TSHR: variants seen among roughly 807,000 people sequenced by gnomAD.
The protein encoded by TSHR is thyrotropin receptor.
TSHR carries 51 observed loss-of-function variants against 64.1 expected under a neutral mutation model. The observed-to-expected ratio is 0.80, with a 90% CI of 0.64 to 1.01. The LOEUF (loss-of-function observed/expected upper bound fraction) is 1.01. Ranked by LOEUF, TSHR falls within the 50% of genes least tolerant of loss-of-function variation. TSHR has a pLI of 0.00. For synonymous variants in TSHR, 361 were observed against 361.9 expected, an observed-to-expected ratio of 1.00 and a Z score of 0.03; for missense variants, 877 against 942.8, an observed-to-expected ratio of 0.93 and a Z score of 0.91.
chr14:81,075,561 T>A (rs534246911), intron 3 of TSHR, among the ~76,000 whole-genome samples: 1 of 151,996 alleles, frequency 6.6e-6, no homozygotes, highest in East Asian at 1.9e-4. Context: ...TAGTTACATA[T>A]GTATACATGT....
chr14:81,073,641 A>G (rs1887279295), intron 3 of TSHR, among the ~76,000 whole-genome samples: 1 of 152,206 alleles, frequency 6.6e-6, no homozygotes, highest in Non-Finnish European at 1.5e-5. Flanking sequence ...GATAATAAAA[A>G]TATGACATAT....
chr14:81,139,608 T>C, intron 8 of TSHR, 71 bp from the exon 9 acceptor site: 7 of 1,545,872 alleles, frequency 4.5e-6, no homozygotes, highest in Non-Finnish European at 6.2e-6. Flanking sequence ...CCTGTTTGAG[T>C]TTCTGGCCAA....
At chr14:81,095,131 C>T (rs1282826509) in intron 6 of TSHR, among the ~76,000 whole-genome samples, 1 of 152,136 alleles carries the variant, frequency 6.6e-6, no homozygotes, top group African/African-American at 2.4e-5. Flanking sequence ...ACTAGCAGTG[C>T]CTGAGTGTGG....
chr14:81,082,507 T>C (rs562143267), intron 3 of TSHR, among the ~76,000 whole-genome samples: 4 of 152,334 alleles, frequency 2.6e-5, no homozygotes, highest in South Asian at 2.1e-4. Flanking sequence ...TCTTTGGACA[T>C]TGAGTCTGCT....
intron 8 of TSHR, among the ~76,000 whole-genome samples, chr14:81,132,593 C>T (rs1175091977): frequency 6.6e-6 from 1 of 152,126 alleles, no homozygotes; most frequent in Non-Finnish European, 1.5e-5. Context: ...GAGATTATTC[C>T]CACGACCTAG....
intron 3 of TSHR, among the ~76,000 whole-genome samples, chr14:81,077,419 T>C (rs989411180): frequency 6.6e-6 from 1 of 152,250 alleles, no homozygotes. Flanking sequence ...CACATATTCA[T>C]ACATATATGT....
intron 1 of TSHR, among the ~76,000 whole-genome samples, chr14:81,042,520 T>C (rs1301468190): frequency 6.6e-6 from 1 of 152,080 alleles, no homozygotes; most frequent in South Asian, 2.1e-4. Flanking sequence ...TGATGTTAAG[T>C]GAAATAAGAC....
intron 1 of TSHR, among the ~76,000 whole-genome samples, chr14:81,025,727 C>T (rs1884017088): frequency 6.6e-6 from 1 of 152,104 alleles, no homozygotes; most frequent in African/African-American, 2.4e-5. Context: ...TTTCAGGATA[C>T]TAAAGACATC....
intron 1 of TSHR, among the ~76,000 whole-genome samples, chr14:81,017,525 GA>G (rs1405734369): frequency 2.0e-5 from 3 of 152,112 alleles, no homozygotes; most frequent in African/African-American, 4.8e-5. Flanking sequence ...CGTGGCCCCA[GA>G]ACAGCTGGTA....
intron 1 of TSHR, among the ~76,000 whole-genome samples, chr14:80,960,377 C>T (rs912854991): frequency 3.9e-5 from 6 of 152,362 alleles, no homozygotes; most frequent in South Asian, 2.1e-4. Flanking sequence ...TCAACACCCA[C>T]GTGCTCCCCA....
At chr14:81,121,626 C>A (rs1890794926) in intron 8 of TSHR, among the ~76,000 whole-genome samples, 1 of 151,988 alleles carries the variant, frequency 6.6e-6, no homozygotes, top group Non-Finnish European at 1.5e-5. Context: ...ATGAAGACTC[C>A]AAGAGGAAGG....
At chr14:81,139,299 G>C (rs1555385681) in intron 8 of TSHR, among the ~76,000 whole-genome samples, 1 of 152,194 alleles carries the variant, frequency 6.6e-6, no homozygotes, top group Non-Finnish European at 1.5e-5. Flanking sequence ...TAGCAAAGTA[G>C]TCCCCTTCGT....
chr14:81,043,504 T>TA (rs1274192133), intron 1 of TSHR, among the ~76,000 whole-genome samples: 1 of 152,230 alleles, frequency 6.6e-6, no homozygotes, highest in East Asian at 1.9e-4. Context: ...AAAATGGTCA[T>TA]ACTGCCCAAA....
intron 3 of TSHR, among the ~76,000 whole-genome samples, chr14:81,076,044 A>G (rs967264946): frequency 4.6e-5 from 7 of 152,170 alleles, no homozygotes; most frequent in African/African-American, 1.7e-4. Flanking sequence ...CTATCGCAAG[A>G]ACAAAAAACC....
At chr14:81,007,101 G>A (rs954425081) in intron 1 of TSHR, among the ~76,000 whole-genome samples, 14 of 152,226 alleles carry the variant, frequency 9.2e-5, no homozygotes, top group South Asian at 4.1e-4. Flanking sequence ...CAAAATTCAC[G>A]TTGAAGTTCT....
intron 6 of TSHR, 130 bp downstream of exon 6, chr14:81,092,738 C>T (rs1382215272): frequency 5.9e-6 from 5 of 842,496 alleles, no homozygotes; most frequent in Non-Finnish European, 9.8e-6. Context: ...GTGTTTTACA[C>T]AATTAAATAA....
At chr14:81,078,413 GT>G (rs1566798036) in intron 3 of TSHR, among the ~76,000 whole-genome samples, 1 of 151,996 alleles carries the variant, frequency 6.6e-6, no homozygotes, top group African/African-American at 2.4e-5. Flanking sequence ...TAAGTAATGT[GT>G]TTTTTCCCCT....
chr14:81,003,845 G>C (rs1352828346), intron 1 of TSHR, among the ~76,000 whole-genome samples: 1 of 151,982 alleles, frequency 6.6e-6, no homozygotes, highest in African/African-American at 2.4e-5. Context: ...GCTTAGGCCA[G>C]AAATGTTGAA....
At chr14:81,098,215 T>C (rs934462850) in intron 7 of TSHR, among the ~76,000 whole-genome samples, 2 of 152,126 alleles carry the variant, frequency 1.3e-5, no homozygotes, top group Non-Finnish European at 2.9e-5. Context: ...GCAAAGTACA[T>C]TAGGGAGAAG....
Sources: allele counts gnomAD v4.1 joint callset (sites outside exome capture counted in the v4.1 genomes callset), GRCh38; gene constraint gnomAD v4.1.1; transcripts MANE v1.5; gene names NCBI Gene and HGNC (gene_info 2026-07-23, HGNC 2026-07-21).